DLGAP1: variants seen among roughly 807,000 people sequenced by gnomAD.
DLGAP1 encodes disks large-associated protein 1.
A neutral mutation model predicts 90.8 loss-of-function variants in DLGAP1; 11 were observed. That is an observed-to-expected ratio of 0.12 (90% CI 0.08 to 0.20). The LOEUF (loss-of-function observed/expected upper bound fraction) is 0.20. Among genes scored for constraint, DLGAP1 ranks in the 10% least tolerant of loss-of-function variants. The pLI, the probability that DLGAP1 is intolerant of heterozygous loss-of-function variation, is 1.00. For missense variants in DLGAP1, 1,050 were observed against 1,333.8 expected, an observed-to-expected ratio of 0.79 and a Z score of 3.31; for synonymous variants, 558 against 540.7, an observed-to-expected ratio of 1.03 and a Z score of -0.44.
intron 1 of DLGAP1, among the ~76,000 whole-genome samples, chr18:4,399,043 G>T (rs1339871725): frequency 6.6e-6 from 1 of 152,122 alleles, no homozygotes; most frequent in Non-Finnish European, 1.5e-5. Context: ...TGTTGGCCAG[G>T]ATGGTCACGA....
chr18:4,266,249 C>T (rs1266586134), intron 1 of DLGAP1, among the ~76,000 whole-genome samples: 4 of 152,228 alleles, frequency 2.6e-5, no homozygotes, highest in Non-Finnish European at 5.9e-5. Context: ...CTCCATCCAA[C>T]TATACAGCCC....
At position 3,789,490 on chromosome 18, in the gene DLGAP1, G is replaced by A. The variant is rs78311091; in HGVS notation, c.1172+24569C>T. Among the ~76,000 whole-genome samples, 11 of 152,226 alleles carry A rather than the reference G, an allele frequency of 7.2e-5. No individual in the cohort carries two copies. The East Asian group carries it at 2.1e-3, about 29-fold the overall frequency. On this transcript the variant is annotated intron_variant, in intron 5 of 12. Transcript: ENST00000315677. ...AATAGATGAATCTGCAAGGGTGGAT[G>A]AGATTGTCTAAAGAGACTATATTGG...
At position 3,612,118 on chromosome 18, in the gene DLGAP1, G is replaced by A. The variant is rs80149787; in HGVS notation, c.1592-29870C>T. On this transcript the variant is annotated intron_variant, in intron 7 of 12. Transcript: ENST00000315677. Reference sequence around the variant, plus strand: ...GTTCTGTCGTCCCAGCTGCTTGGAAGGCTGAGGTGGGATGATTGATTGAGC... The same window carrying A: ...GTTCTGTCGTCCCAGCTGCTTGGAAAGCTGAGGTGGGATGATTGATTGAGC... Among the ~76,000 whole-genome samples the A allele has an allele frequency of 5.1e-3, 776 of 152,342 alleles. 6 individuals carry two copies. Among genetic ancestry groups the A allele is most frequent in the African/African-American group, 0.018 (730 of 41,586 alleles).
chr18:4,017,005 T>G (rs549420516), intron 2 of DLGAP1, among the ~76,000 whole-genome samples: 1 of 152,142 alleles, frequency 6.6e-6, no homozygotes, highest in Non-Finnish European at 1.5e-5. Context: ...CAGCCCCTCA[T>G]CTCCCCAGCA....
intron 7 of DLGAP1, among the ~76,000 whole-genome samples, chr18:3,674,150 C>A (rs965953224): frequency 2.6e-5 from 4 of 151,968 alleles, no homozygotes; most frequent in African/African-American, 9.7e-5. Flanking sequence ...CCGATTGCTA[C>A]TCTTAAAACT....
chr18:3,582,348 A>T, intron 7 of DLGAP1, 100 bp from the exon 8 acceptor site: 1 of 1,502,666 alleles, frequency 6.7e-7, no homozygotes, highest in Non-Finnish European at 8.9e-7. Context: ...CATGAAACAC[A>T]CTGAGACATT....
At chr18:3,635,280 G>C (rs185455097) in intron 7 of DLGAP1, among the ~76,000 whole-genome samples, 3 of 151,964 alleles carry the variant, frequency 2.0e-5, no homozygotes, top group South Asian at 4.1e-4. Context: ...ACAGGCGCCC[G>C]CCACCACGCC....
intron 3 of DLGAP1, among the ~76,000 whole-genome samples, chr18:3,996,700 A>G (rs1050741014): frequency 6.6e-6 from 1 of 152,074 alleles, no homozygotes; most frequent in Non-Finnish European, 1.5e-5. Context: ...TAGAAATCAT[A>G]ACTATGTATT....
At chr18:3,595,368 T>C (rs1361592014) in intron 7 of DLGAP1, among the ~76,000 whole-genome samples, 1 of 152,198 alleles carries the variant, frequency 6.6e-6, no homozygotes, top group East Asian at 1.9e-4. Context: ...ACTTCTAATC[T>C]GGACTTCTAT....
At chr18:4,445,363 C>T (rs12386085) in intron 1 of DLGAP1, among the ~76,000 whole-genome samples, 26,114 of 149,238 alleles carry the variant, frequency 0.17, 2,679 homozygotes, top group East Asian at 0.49. Flanking sequence ...TAGTTACATA[C>T]GTATACATGT....
chr18:3,691,504 T>C (rs1387281895), intron 7 of DLGAP1, among the ~76,000 whole-genome samples: 1 of 152,004 alleles, frequency 6.6e-6, no homozygotes, highest in Admixed American at 6.6e-5. Flanking sequence ...TTTTATTATA[T>C]CTTTACATTT....
At chr18:3,962,896 TG>T (rs1236159835) in intron 3 of DLGAP1, among the ~76,000 whole-genome samples, 1 of 152,208 alleles carries the variant, frequency 6.6e-6, no homozygotes, top group Non-Finnish European at 1.5e-5. Flanking sequence ...AAGGTCTCCT[TG>T]GGGTGAGTTA....
intron 10 of DLGAP1, among the ~76,000 whole-genome samples, chr18:3,521,572 T>C (rs2051191463): frequency 6.6e-6 from 1 of 152,122 alleles, no homozygotes; most frequent in African/African-American, 2.4e-5. Context: ...TCTAGCAAAG[T>C]CCTCATCCTT....
At chr18:4,375,675 TGA>T (rs1225959932) in intron 1 of DLGAP1, among the ~76,000 whole-genome samples, 1 of 152,172 alleles carries the variant, frequency 6.6e-6, no homozygotes, top group Non-Finnish European at 1.5e-5. Context: ...CTCATCACTG[TGA>T]GTTTTAAACA....
intron 5 of DLGAP1, among the ~76,000 whole-genome samples, chr18:3,811,850 T>C (rs55886091): frequency 6.2e-4 from 94 of 152,236 alleles, no homozygotes; most frequent in Non-Finnish European, 1.2e-3. Context: ...CAGGGCACAA[T>C]TGTGACATTG....
At position 3,727,406 on chromosome 18, in the gene DLGAP1, C is replaced by T. The variant is rs563223428; in HGVS notation, c.1591+1729G>A. Among the ~76,000 whole-genome samples, 2 of 152,294 alleles carry T rather than the reference C, an allele frequency of 1.3e-5. No individual in the cohort carries two copies. The highest frequency in any genetic ancestry group is 2.1e-4 in the South Asian group (1 of 4,826). On this transcript the variant is annotated intron_variant, in intron 7 of 12. Coordinates refer to ENST00000315677, the MANE Select transcript of DLGAP1 (RefSeq NM_004746.4). This position sits in a 1 kb window ranked among gnomAD's most constrained non-coding sequence, Gnocchi z 4.7. Reference sequence around the variant, plus strand: ...TCTCTTGCTACTTTATCTGCAACACCGTTTCCTGAGGCGGAAGGAGTGAGC... The same window carrying T: ...TCTCTTGCTACTTTATCTGCAACACTGTTTCCTGAGGCGGAAGGAGTGAGC...
At chr18:3,700,403 G>A (rs535857161) in intron 7 of DLGAP1, among the ~76,000 whole-genome samples, 41 of 152,162 alleles carry the variant, frequency 2.7e-4, no homozygotes, top group Non-Finnish European at 5.0e-4. Context: ...TGTGCTTCCC[G>A]AGTAAGGCAA....
At chr18:3,616,387 G>C (rs1280538638) in intron 7 of DLGAP1, among the ~76,000 whole-genome samples, 1 of 152,140 alleles carries the variant, frequency 6.6e-6, no homozygotes, top group African/African-American at 2.4e-5. Flanking sequence ...TGAGAGGTGA[G>C]CCCATTCGGT....
intron 3 of DLGAP1, among the ~76,000 whole-genome samples, chr18:3,882,959 T>C (rs1354127318): frequency 1.3e-5 from 2 of 152,114 alleles, no homozygotes; most frequent in Non-Finnish European, 2.9e-5. Flanking sequence ...ACAAAACATA[T>C]AGTGCTGGGT....
Sources: gnomAD v4.1 joint callset for allele counts (sites outside exome capture counted in the v4.1 genomes callset) on GRCh38, gnomAD v4.1.1 for gene constraint, Gnocchi (gnomAD v3.1) non-coding constraint, MANE v1.5 for transcripts, NCBI Gene and HGNC (gene_info 2026-07-23, HGNC 2026-07-21) for gene names.